MS4A3: variants seen among roughly 807,000 people sequenced by gnomAD.
MS4A3 encodes membrane spanning 4-domains A3.
A neutral mutation model predicts 24.7 loss-of-function variants in MS4A3; 18 were observed. The ratio of observed to expected loss-of-function variants is 0.73; its 90% confidence interval spans 0.50 to 1.08. The LOEUF is 1.08. Among genes scored for constraint, MS4A3 ranks in the 50% least tolerant of loss-of-function variants. The pLI is 0.00. For missense variants in MS4A3, 282 were observed against 251.7 expected (o/e 1.12, Z -0.82); for synonymous variants, 84 against 95.3 (o/e 0.88, Z 0.69).
chr11:60,069,462 C>G, intron 5 of MS4A3, 112 bp from the exon 6 acceptor site: 1 of 699,578 alleles, frequency 1.4e-6, no homozygotes, highest in Non-Finnish European at 2.6e-6. Flanking sequence ...TTATGGTTCA[C>G]TTTGTTCCAC....
chr11:60,070,561 A>G lies in MS4A3; in HGVS notation c.*328A>G, dbSNP rs1199872235. On this transcript the variant is annotated 3_prime_UTR_variant, in exon 7 of 7. Coordinates refer to ENST00000278865, the MANE Select transcript of MS4A3 (RefSeq NM_006138.5). Reference sequence around the variant, plus strand: ...TCTTATCCACCTACTCCATTGCTTTATGAGGTTTAAGGAAGGAAGGCGGTA... The same window carrying G: ...TCTTATCCACCTACTCCATTGCTTTGTGAGGTTTAAGGAAGGAAGGCGGTA... The G allele has an allele frequency of 4.1e-6, 1 of 246,110 alleles. No individual in the cohort carries two copies. Among genetic ancestry groups the G allele is most frequent in the Non-Finnish European group, 7.6e-6 (1 of 130,880 alleles). 15.2% of individuals were successfully genotyped at this position (246,110 alleles called of 1,614,324 possible).
chr11:60,063,537 T>A (rs973916607), intron 3 of MS4A3, among the ~76,000 whole-genome samples: 1 of 152,212 alleles, frequency 6.6e-6, no homozygotes. Context: ...TTGTTTGGGT[T>A]CATTGCAGAT....
chr11:60,057,371 T>C (rs943521476), intron 1 of MS4A3, among the ~76,000 whole-genome samples: 2 of 151,220 alleles, frequency 1.3e-5, no homozygotes, highest in Non-Finnish European at 2.9e-5. Context: ...GGCAGTTTCC[T>C]AGAAAATCTA....
At position 60,067,067 on chromosome 11, in the gene MS4A3, A is replaced by G. The variant is rs781749929; in HGVS notation, c.468A>G (p.Ser156=). 6.8e-6 allele frequency: 11 copies of G among 1,613,052 alleles called. No individual in the cohort carries two copies. Among genetic ancestry groups the G allele is most frequent in the Non-Finnish European group, 9.3e-6 (11 of 1,179,720 alleles). Residue 156 remains serine, a synonymous_variant, in exon 5 of 7, where the codon TCA becomes TCG. Transcript: ENST00000278865. The stretch of plus-strand genomic sequence containing the variant: ...AGTCATTAAGGAGTTGTCACTCTTC[A>G]TCAGAGTCACCGGACCTATGCAATT... ...NIQSLRSCHS[S]SESPDLCNYM...
At chr11:60,061,009 A>T in intron 1 of MS4A3, 137 bp from the exon 2 acceptor site, 1 of 664,562 alleles carries the variant, frequency 1.5e-6, no homozygotes. Context: ...AAACTCTGTT[A>T]CTCTGCCCTG....
intron 3 of MS4A3, among the ~76,000 whole-genome samples, chr11:60,063,083 G>A (rs957533095): frequency 6.6e-6 from 1 of 152,156 alleles, no homozygotes; most frequent in Non-Finnish European, 1.5e-5. Flanking sequence ...CCAGGCATGA[G>A]CCCTGATGCC....
chr11:60,068,496 C>T (rs1855413936), intron 5 of MS4A3, among the ~76,000 whole-genome samples: 1 of 151,352 alleles, frequency 6.6e-6, no homozygotes, highest in East Asian at 1.9e-4. Context: ...TCGTGATCCG[C>T]CCGCCTCTGC....
At chr11:60,058,712 G>A (rs1409547909) in intron 1 of MS4A3, among the ~76,000 whole-genome samples, 1 of 151,822 alleles carries the variant, frequency 6.6e-6, no homozygotes, top group Non-Finnish European at 1.5e-5. Flanking sequence ...GGATGGGTGA[G>A]GGGTGAGGCA....
chr11:60,065,063 G>A (rs1855337870), intron 4 of MS4A3, among the ~76,000 whole-genome samples: 1 of 151,524 alleles, frequency 6.6e-6, no homozygotes. Context: ...TATATTTTTC[G>A]AGTCTCACTC....
intron 1 of MS4A3, among the ~76,000 whole-genome samples, chr11:60,060,758 T>C (rs1023028395): frequency 6.6e-6 from 1 of 152,210 alleles, no homozygotes; most frequent in Non-Finnish European, 1.5e-5. Context: ...AAATGACACC[T>C]ACTATTATTA....
intron 1 of MS4A3, among the ~76,000 whole-genome samples, chr11:60,057,490 C>T (rs906952261): frequency 2.0e-5 from 3 of 152,118 alleles, no homozygotes; most frequent in African/African-American, 4.8e-5. Context: ...CTGCAAACTC[C>T]GCCTCATGGG....
At position 60,067,018 on chromosome 11, in the gene MS4A3, C is replaced by T. The variant is rs1855372192; in HGVS notation, c.419C>T (p.Ser140Leu). 6.2e-7 allele frequency: 1 copy of T among 1,613,006 alleles called. No homozygotes were observed. The highest frequency in any genetic ancestry group is 8.5e-7 in the Non-Finnish European group (1 of 1,179,546). ...TIALVGTAFL[S>L]LNIAVNIQSL... ...GCACTAGTGGGGACTGCTTTTCTCT[C>T]ACTAAATATAGCAGTTAATATCCAG... The change falls in exon 5 of 7, where the codon TCA becomes TTA. Residue 140 changes from serine to leucine, a missense_variant. By Grantham distance (145) the Ser-to-Leu change is moderately radical. Coordinates refer to ENST00000278865, the MANE Select transcript of MS4A3 (RefSeq NM_006138.5).
chr11:60,062,537 T>TA lies in MS4A3; in HGVS notation c.227dup (p.Tyr76Ter). 3 of 1,614,158 alleles carry TA rather than the reference T, an allele frequency of 1.9e-6. No individual in the cohort carries two copies. The South Asian group carries it at 3.3e-5, about 18-fold the overall frequency. The change falls in exon 3 of 7, where the codon TAC becomes TAAC. Residue 76 changes from tyrosine to a stop codon, truncating the protein, a stop_gained and frameshift_variant. Coordinates refer to ENST00000278865, the MANE Select transcript of MS4A3 (RefSeq NM_006138.5). LOFTEE classifies it high-confidence loss of function. ...GVFLGSLQYP[Y>*]HFQKHFFFFT... ...CTTTCTGGGTTCCTTGCAATACCCA[T>TA]ACCACTTCCAAAAGCACTTCTTTTT...
rs914213641 is a variant in MS4A3, at chr11:60,066,947, T to G, written c.352-4T>G. On this transcript the variant is annotated splice_polypyrimidine_tract_variant and splice_region_variant and intron_variant, in intron 4 of 6. Coordinates refer to ENST00000278865, the MANE Select transcript of MS4A3 (RefSeq NM_006138.5). Reference sequence around the variant, plus strand: ...ATTAATTGAAAATTCTTATTCTTTTTTAGATACAGAACAGTTTTGGAATGA... The same window carrying G: ...ATTAATTGAAAATTCTTATTCTTTTGTAGATACAGAACAGTTTTGGAATGA... The G allele has an allele frequency of 1.9e-6, 3 of 1,578,566 alleles. No homozygotes were observed. The highest frequency in any genetic ancestry group is 2.6e-6 in the Non-Finnish European group (3 of 1,169,810).
chr11:60,067,491 G>A (rs977689798), intron 5 of MS4A3, among the ~76,000 whole-genome samples: 3 of 151,842 alleles, frequency 2.0e-5, no homozygotes, highest in Admixed American at 6.6e-5. Flanking sequence ...CTGGGATAAG[G>A]GGCGTGAGCC....
intron 3 of MS4A3, 140 bp from the exon 4 acceptor site, chr11:60,064,122 A>G (rs1262296885): frequency 8.0e-6 from 3 of 373,594 alleles, no homozygotes; most frequent in Non-Finnish European, 9.8e-6. Context: ...CATCAAGTAC[A>G]ATTCTGTGTC....
At chr11:60,061,453 A>C (rs765161620) in intron 2 of MS4A3, 137 bp downstream of exon 2, 5 of 1,000,418 alleles carry the variant, frequency 5.0e-6, no homozygotes, top group Non-Finnish European at 7.5e-6. Context: ...ATCCCGAGAC[A>C]GCAAGAACAA....
chr11:60,060,637 A>AT (rs1855257374), intron 1 of MS4A3, among the ~76,000 whole-genome samples: 1 of 152,026 alleles, frequency 6.6e-6, no homozygotes, highest in Admixed American at 6.6e-5. Context: ...CTATACCTCA[A>AT]TTTTTTTCAT....
intron 3 of MS4A3, 78 bp from the exon 4 acceptor site, chr11:60,064,184 C>A: frequency 2.9e-6 from 3 of 1,042,984 alleles, no homozygotes; most frequent in Non-Finnish European, 4.2e-6. Context: ...TGGATATCTG[C>A]TAATTGAGGG....
Sources: gnomAD v4.1 joint callset for allele counts (sites outside exome capture counted in the v4.1 genomes callset) on GRCh38, gnomAD v4.1.1 for gene constraint, MANE v1.5 for transcripts, NCBI Gene and HGNC (gene_info 2026-07-23, HGNC 2026-07-21) for gene names.